DDX60L: variants seen among roughly 807,000 people sequenced by gnomAD.
The protein encoded by DDX60L is probable ATP-dependent RNA helicase DDX60-like.
In DDX60L, 191 loss-of-function variants were observed where a neutral mutation model predicts 211.6. The ratio of observed to expected loss-of-function variants is 0.90; its 90% confidence interval spans 0.80 to 1.02. The LOEUF is 1.02. Among genes scored for constraint, DDX60L ranks in the 50% least tolerant of loss-of-function variants. The probability of loss-of-function intolerance (pLI) is 0.00; values close to 1 mark genes in which losing one functional copy is unlikely to be tolerated. For synonymous variants in DDX60L, 706 were observed against 694.1 expected (o/e 1.02, Z -0.27); for missense variants, 2,007 against 1,984.1 (o/e 1.01, Z -0.22).
At chr4:168,437,149 C>T (rs1410884144) in intron 10 of DDX60L, among the ~76,000 whole-genome samples, 2 of 152,152 alleles carry the variant, frequency 1.3e-5, no homozygotes, top group African/African-American at 4.8e-5. Context: ...CTGTGTTCTT[C>T]AAAGAGACAT....
intron 9 of DDX60L, among the ~76,000 whole-genome samples, chr4:168,442,529 C>T (rs1163246613): frequency 6.6e-6 from 1 of 152,240 alleles, no homozygotes; most frequent in African/African-American, 2.4e-5. Flanking sequence ...CCCACCACAG[C>T]TCAAGGAGGC....
At chr4:168,414,337 T>C (rs1749168400) in intron 22 of DDX60L, among the ~76,000 whole-genome samples, 1 of 152,154 alleles carries the variant, frequency 6.6e-6, no homozygotes, top group Non-Finnish European at 1.5e-5. Context: ...AACATTGTAA[T>C]TGTGATATGA....
rs200892469 is a variant in DDX60L at position 168,457,938 on chromosome 4, A to C, written c.677T>G (p.Leu226Ter). Residue 226 changes from leucine to a stop codon, truncating the protein, a stop_gained, in exon 6 of 38, where the codon TTA becomes TGA. Transcript: ENST00000682922. LOFTEE classifies it high-confidence loss of function. ...TTTCAAATGTTCAAAATGAGTTGCT[A>C]ATACTAAAACCCTTATTTCTTCCAA... Reference protein sequence around the residue: ...QHLEEIRVLVLATHFEHLKWN... With the variant: ...QHLEEIRVLV 2.5e-6 allele frequency: 4 copies of C among 1,570,628 alleles called. No homozygotes were observed. The highest frequency in any genetic ancestry group is 2.7e-5 in the African/African-American group (2 of 74,232).
At chr4:168,404,946 T>C (rs1164949754) in intron 24 of DDX60L, among the ~76,000 whole-genome samples, 1 of 152,210 alleles carries the variant, frequency 6.6e-6, no homozygotes, top group Non-Finnish European at 1.5e-5. Context: ...GATTAACATT[T>C]AATGGAACAC....
chr4:168,443,685 GA>G (rs1395468427), intron 9 of DDX60L, among the ~76,000 whole-genome samples: 1 of 150,030 alleles, frequency 6.7e-6, no homozygotes, highest in East Asian at 2.0e-4. Context: ...TCTCTCGGCA[GA>G]AACCCTACAA....
At chr4:168,393,299 C>T (rs1285839992) in intron 28 of DDX60L, among the ~76,000 whole-genome samples, 3 of 151,986 alleles carry the variant, frequency 2.0e-5, no homozygotes, top group Non-Finnish European at 4.4e-5. Context: ...AGTTTGAGAC[C>T]AGCGTGGCCA....
intron 1 of DDX60L, among the ~76,000 whole-genome samples, chr4:168,479,390 C>CAT (rs1760079257): frequency 6.6e-6 from 1 of 152,128 alleles, no homozygotes; most frequent in Non-Finnish European, 1.5e-5. Context: ...GGAGAACACT[C>CAT]GAAATCATGA....
At chr4:168,375,072 G>C (rs1273861583) in intron 34 of DDX60L, among the ~76,000 whole-genome samples, 1 of 152,138 alleles carries the variant, frequency 6.6e-6, no homozygotes, top group Non-Finnish European at 1.5e-5. Context: ...TTCTGATCCA[G>C]TTTTCCAACC....
chr4:168,400,158 C>T (rs1746539348), intron 26 of DDX60L, among the ~76,000 whole-genome samples: 1 of 152,096 alleles, frequency 6.6e-6, no homozygotes, highest in Non-Finnish European at 1.5e-5. Flanking sequence ...AGAATAATGG[C>T]CTACAGCTCT....
rs757415058 is a variant in DDX60L, at chr4:168,405,917, G to A, written c.3213+33C>T. The stretch of plus-strand genomic sequence containing the variant: ...GCAACTCCAAACAATTAACAATTAA[G>A]TGAAACTTTGTCCAAGAAAGTGTGA... On this transcript the variant is annotated intron_variant, in intron 24 of 37. Transcript: ENST00000682922. 2.6e-6 allele frequency: 4 copies of A among 1,523,984 alleles called. No homozygotes were observed. In the Admixed American group the frequency reaches 7.3e-5, roughly 28 times the overall value. 94.4% of individuals were successfully genotyped at this position (1,523,984 alleles called of 1,614,324 possible). A position where few individuals can be genotyped will look rare whatever the true frequency, so the allele number is the denominator to read the frequency against.
At chr4:168,461,151 T>C (rs1453829713) in intron 5 of DDX60L, among the ~76,000 whole-genome samples, 2 of 152,234 alleles carry the variant, frequency 1.3e-5, no homozygotes, top group African/African-American at 4.8e-5. Flanking sequence ...TTCCAGCCTC[T>C]GATGGCTTGG....
At chr4:168,477,746 A>G (rs1303365799) in intron 1 of DDX60L, among the ~76,000 whole-genome samples, 4 of 152,214 alleles carry the variant, frequency 2.6e-5, no homozygotes, top group Non-Finnish European at 5.9e-5. Flanking sequence ...GGTAAAAATC[A>G]TCCCCTTCAA....
intron 33 of DDX60L, among the ~76,000 whole-genome samples, chr4:168,376,857 A>C (rs1174600785): frequency 6.6e-6 from 1 of 152,268 alleles, no homozygotes; most frequent in Non-Finnish European, 1.5e-5. Flanking sequence ...TATAGTTTAC[A>C]CATATTTATT....
chr4:168,376,183 G>C (rs1236241725), intron 33 of DDX60L, among the ~76,000 whole-genome samples: 1 of 151,816 alleles, frequency 6.6e-6, no homozygotes, highest in East Asian at 1.9e-4. Context: ...AAATGTTCTT[G>C]GTTTTCTTCT....
At chr4:168,428,792 C>A (rs574540590) in intron 13 of DDX60L, among the ~76,000 whole-genome samples, 79 of 152,286 alleles carry the variant, frequency 5.2e-4, no homozygotes, top group African/African-American at 1.8e-3. Flanking sequence ...ACCATAAAAT[C>A]TACCGTTTGT....
Position 168,406,030 on chromosome 4 carries a change from T to C in DDX60L, c.3133A>G (p.Lys1045Glu). The C allele has an allele frequency of 6.2e-7, 1 of 1,603,130 alleles. No individual in the cohort carries two copies. Among genetic ancestry groups the C allele is most frequent in the Non-Finnish European group, 8.5e-7 (1 of 1,176,004 alleles). The change falls in exon 24 of 38, where the codon AAG becomes GAG. Residue 1045 changes from lysine (K) to glutamate (E), a missense_variant. Lys to Glu is a moderately conservative substitution (Grantham distance 56). Transcript: ENST00000682922. ...FILFKNKIVI[K>E]KLDARKYEEN... Reference sequence around the variant, plus strand: ...TCATATTTTCTAGCATCCAACTTCTTAATGACTATCTTATTCTTAAAAAGA... The same window carrying C: ...TCATATTTTCTAGCATCCAACTTCTCAATGACTATCTTATTCTTAAAAAGA...
chr4:168,393,104 A>C (rs1022770947), intron 28 of DDX60L, among the ~76,000 whole-genome samples: 13 of 152,238 alleles, frequency 8.5e-5, no homozygotes, highest in Admixed American at 1.3e-4. Flanking sequence ...AATGATACAG[A>C]TATGAAAACT....
intron 6 of DDX60L, 65 bp downstream of exon 6, chr4:168,457,827 A>T: frequency 9.9e-7 from 1 of 1,008,030 alleles, no homozygotes; most frequent in Non-Finnish European, 1.5e-6. Context: ...TGAACTAATC[A>T]CAAGTTCATT....
chr4:168,411,442 G>T (rs1331901226), intron 22 of DDX60L, among the ~76,000 whole-genome samples: 1 of 152,148 alleles, frequency 6.6e-6, no homozygotes, highest in African/African-American at 2.4e-5. Flanking sequence ...CTGGGACTTT[G>T]CATTAGAATT....
Sources: allele counts gnomAD v4.1 joint callset (sites outside exome capture counted in the v4.1 genomes callset), GRCh38; gene constraint gnomAD v4.1.1; transcripts MANE v1.5; gene names NCBI Gene and HGNC (gene_info 2026-07-23, HGNC 2026-07-21).